The following DNM3 variants were observed in gnomAD, a reference collection of about 807,000 sequenced individuals.
The protein encoded by DNM3 is dynamin-3.
DNM3 carries 47 observed loss-of-function variants against 101.6 expected under a neutral mutation model. The ratio of observed to expected loss-of-function variants is 0.46; its 90% CI spans 0.37 to 0.59. The LOEUF (loss-of-function observed/expected upper bound fraction) is 0.59. DNM3 is among the 20% of genes least tolerant of loss of function. The pLI is 0.00. For synonymous variants in DNM3, 385 were observed against 387.9 expected, an observed-to-expected ratio of 0.99 and a Z score of 0.09; for missense variants, 849 against 1,085.7, an observed-to-expected ratio of 0.78 and a Z score of 3.06.
chr1:172,245,641 G>A (rs1204852453), intron 14 of DNM3, among the ~76,000 whole-genome samples: 3 of 152,194 alleles, frequency 2.0e-5, no homozygotes, highest in South Asian at 2.1e-4. Flanking sequence ...TCTGGGAGAC[G>A]TGTTTGCTCA....
At chr1:171,861,134 T>C (rs184172393) in intron 1 of DNM3, among the ~76,000 whole-genome samples, 1 of 152,276 alleles carries the variant, frequency 6.6e-6, no homozygotes, top group Admixed American at 6.5e-5. Context: ...CCTATGTTCA[T>C]GAACTTGAAG....
rs1196219093 is a variant in DNM3 at position 172,371,838 on chromosome 1, T to TTTTATTTTTA, written c.1894-7176_1894-7167dup. On this transcript the variant is annotated intron_variant, in intron 17 of 20. Coordinates refer to ENST00000627582, the MANE Select transcript of DNM3 (RefSeq NM_015569.5). ...GTCTAAGTCAGGCAGATATTTTTATTTTTATTTTTATTTTTATTTATTTTT... is the reference window on the plus strand; with the variant it reads ...GTCTAAGTCAGGCAGATATTTTTATTTTTATTTTTATTTATTTTTATTTTTATTTATTTTT... Among the ~76,000 whole-genome samples the TTTTATTTTTA allele has an allele frequency of 1.3e-3, 200 of 150,194 alleles. 1 individual carries two copies. Among genetic ancestry groups the TTTTATTTTTA allele is most frequent in the African/African-American group, 4.7e-3 (194 of 41,230 alleles).
intron 14 of DNM3, among the ~76,000 whole-genome samples, chr1:172,251,365 CT>C (rs1406308990): frequency 1.2e-4 from 2 of 17,174 alleles, no homozygotes; most frequent in African/African-American, 2.2e-4. Context: ...CCATGATATA[CT>C]TTTTTATTGC....
intron 14 of DNM3, among the ~76,000 whole-genome samples, chr1:172,221,978 C>G (rs2060922619): frequency 6.6e-6 from 1 of 152,044 alleles, no homozygotes; most frequent in South Asian, 2.1e-4. Flanking sequence ...GAGTTCAAGT[C>G]TTAATCATCA....
intron 1 of DNM3, among the ~76,000 whole-genome samples, chr1:171,898,181 A>G (rs1468988079): frequency 2.0e-5 from 3 of 152,146 alleles, no homozygotes; most frequent in Non-Finnish European, 2.9e-5. Flanking sequence ...CTTTGCCCTA[A>G]TTGGCCAGTG....
intron 14 of DNM3, among the ~76,000 whole-genome samples, chr1:172,177,277 C>G (rs1390500122): frequency 6.6e-6 from 1 of 151,628 alleles, no homozygotes. Flanking sequence ...GAGAGAGAGA[C>G]ACCACATTCA....
chr1:172,057,203 CA>C (rs1359837658), intron 10 of DNM3, among the ~76,000 whole-genome samples: 1 of 152,016 alleles, frequency 6.6e-6, no homozygotes, highest in South Asian at 2.1e-4. Context: ...GTGAAAAGAC[CA>C]AATCTACATC....
intron 20 of DNM3, among the ~76,000 whole-genome samples, chr1:172,405,561 C>A (rs2070817008): frequency 6.6e-6 from 1 of 152,034 alleles, no homozygotes; most frequent in South Asian, 2.1e-4. Flanking sequence ...GATTTCCAAT[C>A]CATCATGCCA....
intron 20 of DNM3, among the ~76,000 whole-genome samples, chr1:172,401,625 A>C (rs1291215222): frequency 6.6e-6 from 1 of 152,218 alleles, no homozygotes; most frequent in Non-Finnish European, 1.5e-5. Context: ...ATACACTGCA[A>C]GAATCATATT....
At chr1:172,055,343 T>C (rs1308527179) in intron 10 of DNM3, among the ~76,000 whole-genome samples, 6 of 152,272 alleles carry the variant, frequency 3.9e-5, no homozygotes, top group Non-Finnish European at 5.9e-5. Flanking sequence ...TTCAGGCCTC[T>C]GCTATTCAAA....
At chr1:172,407,412 G>C (rs1376877784) in intron 20 of DNM3, among the ~76,000 whole-genome samples, 1 of 152,000 alleles carries the variant, frequency 6.6e-6, no homozygotes, top group East Asian at 1.9e-4. Flanking sequence ...AGCCATCATT[G>C]TCTGAAACAG....
rs2068053495 is a variant in DNM3, at chr1:172,366,988, C to G, written c.1894-12030C>G. On this transcript the variant is annotated intron_variant, in intron 17 of 20. Coordinates refer to ENST00000627582, the MANE Select transcript of DNM3 (RefSeq NM_015569.5). Reference sequence around the variant, plus strand: ...CGTGTCTTGATAGAAATATAGATATCTAGATCCAGGAAACTCAAAACCCCA... The same window carrying G: ...CGTGTCTTGATAGAAATATAGATATGTAGATCCAGGAAACTCAAAACCCCA... 2.0e-5 allele frequency among the ~76,000 whole-genome samples: 3 copies of G among 151,646 alleles called. No individual in the cohort carries two copies. The South Asian group carries it at 6.2e-4, about 31-fold the overall frequency.
intron 14 of DNM3, among the ~76,000 whole-genome samples, chr1:172,207,111 A>C (rs1474643123): frequency 6.6e-6 from 1 of 151,778 alleles, no homozygotes; most frequent in Non-Finnish European, 1.5e-5. Flanking sequence ...AGTCTAACAC[A>C]GGTCAGAAGG....
At chr1:172,143,814 T>C (rs2819530) in intron 14 of DNM3, among the ~76,000 whole-genome samples, 99,251 of 151,986 alleles carry the variant, frequency 0.65, 34,333 homozygotes, top group African/African-American at 0.89. Flanking sequence ...TGTGGGTCGG[T>C]GCTCTTCTCT....
Position 172,223,732 on chromosome 1 carries a change from C to T in DNM3, c.1660-29841C>T, listed in dbSNP as rs564530906. ...ATACATATACTCTTCTATTCTCCAA[C>T]CACCTTAGTCCAAGAAACCACTGTC... On this transcript the variant is annotated intron_variant, in intron 14 of 20. Coordinates refer to ENST00000627582, the MANE Select transcript of DNM3 (RefSeq NM_015569.5). Among the ~76,000 whole-genome samples, 4 of 152,302 alleles carry T rather than the reference C, an allele frequency of 2.6e-5. No homozygotes were observed. The South Asian group carries it at 6.2e-4, about 24-fold the overall frequency.
At chr1:171,982,989 C>G (rs886183523) in intron 2 of DNM3, among the ~76,000 whole-genome samples, 1 of 152,092 alleles carries the variant, frequency 6.6e-6, no homozygotes, top group Non-Finnish European at 1.5e-5. Context: ...TTTCCCTCCC[C>G]TCAGACATCA....
In DNM3 at chr1:171,883,034, AT is replaced by A. The variant is rs1278389165; in HGVS notation, c.162-38713del. 5.3e-5 allele frequency among the ~76,000 whole-genome samples: 8 copies of A among 151,932 alleles called. No individual in the cohort carries two copies. In the South Asian group the frequency reaches 6.3e-4, roughly 12 times the overall value. Reference sequence around the variant, plus strand: ...TGTATACATATTAATATGTATAAAAATATGGGATTATTCTGTATGTTCAATT... The same window carrying A: ...TGTATACATATTAATATGTATAAAAAATGGGATTATTCTGTATGTTCAATT... On this transcript the variant is annotated intron_variant, in intron 1 of 20. Coordinates refer to ENST00000627582, the MANE Select transcript of DNM3 (RefSeq NM_015569.5).
At chr1:172,359,657 G>A (rs756233112) in intron 17 of DNM3, among the ~76,000 whole-genome samples, 2 of 151,530 alleles carry the variant, frequency 1.3e-5, no homozygotes, top group Non-Finnish European at 2.9e-5. Context: ...GTAGCTCTTG[G>A]CAGAAGGTCA....
chr1:172,034,856 G>T (rs2125810267), intron 6 of DNM3, among the ~76,000 whole-genome samples: 1 of 152,144 alleles, frequency 6.6e-6, no homozygotes, highest in East Asian at 1.9e-4. Context: ...TGGAGATGTA[G>T]GCAGTGGCTG....
Sources: gnomAD v4.1 joint callset for allele counts (sites outside exome capture counted in the v4.1 genomes callset) on GRCh38, gnomAD v4.1.1 for gene constraint, MANE v1.5 for transcripts, NCBI Gene and HGNC (gene_info 2026-07-23, HGNC 2026-07-21) for gene names.